Variants in AMBN observed in about 807,000 individuals in gnomAD.
The protein encoded by AMBN is enamel matrix protein.
In AMBN, 54 loss-of-function variants were observed where a neutral mutation model predicts 48.0. That is an observed-to-expected ratio of 1.12 (90% CI 0.90 to 1.41). The LOEUF is 1.41. AMBN is among the 40% of genes most tolerant of loss of function. The probability of loss-of-function intolerance (pLI) is 0.00; values close to 1 mark genes in which losing one functional copy is unlikely to be tolerated. For missense variants in AMBN, 571 were observed against 547.3 expected, an observed-to-expected ratio of 1.04 and a Z score of -0.43; for synonymous variants, 186 against 190.0, an observed-to-expected ratio of 0.98 and a Z score of 0.17.
At chr4:70,599,445 AAAAAAG>A (rs1403723285) in intron 4 of AMBN, 85 bp from the exon 5 acceptor site, 4 of 1,030,166 alleles carry the variant, frequency 3.9e-6, no homozygotes, top group Non-Finnish European at 5.5e-6. Context: ...ATCTCAAAAA[AAAAAAG>A]AAAAAGGAAA....
rs1737658975 is a variant in AMBN, at chr4:70,606,573, G to A, written c.1187G>A (p.Arg396Lys). The A allele has an allele frequency of 1.2e-6, 2 of 1,613,980 alleles. No homozygotes were observed. The highest frequency in any genetic ancestry group is 2.7e-5 in the African/African-American group (2 of 74,914). Residue 396 changes from arginine (R) to lysine (K), a missense_variant, in exon 13 of 13, where the codon AGG becomes AAG. Coordinates refer to ENST00000322937, the MANE Select transcript of AMBN (RefSeq NM_016519.6). Reference sequence around the variant, plus strand: ...ACCCCTGAATTAGCTGATGTTTATAGGACCTACGATGCTGACATGACCACA... The same window carrying A: ...ACCCCTGAATTAGCTGATGTTTATAAGACCTACGATGCTGACATGACCACA... ...LMTPELADVY[R>K]TYDADMTTSV...
In AMBN at chr4:70,592,287, C is replaced by T. The variant is rs1737290287; in HGVS notation, c.-72C>T. ...TACAGAGCAAGTCCCACGCACAGTCCTGAAAAAAATTTTAATCTTCTTTTC... is the reference window on the plus strand; with the variant it reads ...TACAGAGCAAGTCCCACGCACAGTCTTGAAAAAAATTTTAATCTTCTTTTC... On this transcript the variant is annotated 5_prime_UTR_variant, in exon 1 of 13. Transcript: ENST00000322937. 2 of 1,546,906 alleles carry T rather than the reference C, an allele frequency of 1.3e-6. No homozygotes were observed. Among genetic ancestry groups the T allele is most frequent in the African/African-American group, 2.7e-5 (2 of 73,370 alleles).
Position 70,606,844 on chromosome 4 carries a change from G to C in AMBN, c.*114G>C, listed in dbSNP as rs567710200. 5.1e-6 allele frequency: 6 copies of C among 1,181,152 alleles called. No homozygotes were observed. Among genetic ancestry groups the C allele is most frequent in the Non-Finnish European group, 5.9e-6 (5 of 853,694 alleles). 73.2% of individuals were successfully genotyped at this position (1,181,152 alleles called of 1,614,324 possible). A position where few individuals can be genotyped will look rare whatever the true frequency, so the allele number is the denominator to read the frequency against. On this transcript the variant is annotated 3_prime_UTR_variant, in exon 13 of 13. Coordinates refer to ENST00000322937, the MANE Select transcript of AMBN (RefSeq NM_016519.6). ...CTTCTGCAGCAAAGGCATTAAAAGCGCTAAGCATATATTAATAAATGCAAG... is the reference window on the plus strand; with the variant it reads ...CTTCTGCAGCAAAGGCATTAAAAGCCCTAAGCATATATTAATAAATGCAAG...
intron 2 of AMBN, among the ~76,000 whole-genome samples, chr4:70,594,794 A>T (rs1343232673): frequency 6.6e-6 from 1 of 152,164 alleles, no homozygotes; most frequent in Non-Finnish European, 1.5e-5. Flanking sequence ...ACCTATAATG[A>T]TCCACACCTG....
Position 70,606,668 on chromosome 4 carries a change from C to T in AMBN, c.1282C>T (p.Pro428Ser), listed in dbSNP as rs1240393340. 1 of 1,614,048 alleles carries T rather than the reference C, an allele frequency of 6.2e-7. No individual in the cohort carries two copies. Residue 428 changes from proline to serine, a missense_variant, in exon 13 of 13, where the codon CCA (proline) becomes TCA (serine). Transcript: ENST00000322937. ...CCCAAACTCTCTGCAAACATCCATG[C>T]CAGGAAACAAAGCCCAGGAGCCCGA... ...MAPNSLQTSM[P>S]GNKAQEPEMM... is the part of the protein sequence containing the mutation.
At chr4:70,602,942 T>C (rs911171208) in intron 8 of AMBN, 30 bp from the exon 9 acceptor site, 2 of 1,568,844 alleles carry the variant, frequency 1.3e-6, no homozygotes, top group Admixed American at 3.8e-5. Flanking sequence ...CTTTTTTGAC[T>C]GATAATTTTA....
Position 70,602,783 on chromosome 4 carries a change from T to G in AMBN, c.571-15T>G. ...CATTTTTTACTGATAATTTTAATAT[T>G]TATCTACAATATAGCTCCCAGGAAT... is the stretch of plus-strand genomic sequence containing the variant. On this transcript the variant is annotated splice_polypyrimidine_tract_variant and intron_variant, in intron 7 of 12. Coordinates refer to ENST00000322937, the MANE Select transcript of AMBN (RefSeq NM_016519.6). 6.4e-6 allele frequency: 10 copies of G among 1,563,198 alleles called. No individual in the cohort carries two copies. The highest frequency in any genetic ancestry group is 8.7e-6 in the Non-Finnish European group (10 of 1,152,578).
intron 4 of AMBN, among the ~76,000 whole-genome samples, chr4:70,598,995 G>A (rs1393240698): frequency 6.7e-6 from 1 of 149,296 alleles, no homozygotes; most frequent in Non-Finnish European, 1.5e-5. Context: ...GGCTGATCTC[G>A]AATGCCTGAC....
At position 70,606,308 on chromosome 4, in the gene AMBN, TC is replaced by T; in HGVS notation, c.926del (p.Pro309GlnfsTer28). ...MGGDFTLEFD[S>X]PVAATKGPEN... is the part of the protein sequence containing the mutation. ...CGGTGACTTCACTCTGGAATTTGAC[TC>T]CCCAGTGGCTGCCACCAAAGGCCCT... On this transcript the variant is annotated frameshift_variant, in exon 13 of 13. Transcript: ENST00000322937. LOFTEE classifies it low-confidence loss of function (END_TRUNC). 6.2e-7 allele frequency: 1 copy of T among 1,613,992 alleles called. No homozygotes were observed. The highest frequency in any genetic ancestry group is 8.5e-7 in the Non-Finnish European group (1 of 1,179,990).
chr4:70,604,573 C>T (rs1737597639), intron 12 of AMBN, among the ~76,000 whole-genome samples: 1 of 152,236 alleles, frequency 6.6e-6, no homozygotes, highest in South Asian at 2.1e-4. Flanking sequence ...CTGTCAACTA[C>T]AGATCCTGTC....
chr4:70,603,591 T>A (rs1218574129), intron 11 of AMBN, 131 bp downstream of exon 11: 12 of 963,088 alleles, frequency 1.2e-5, no homozygotes, highest in Admixed American at 5.3e-5. Context: ...AGTACTGAAA[T>A]ATTAAGGAGG....
At chr4:70,592,444 A>G (rs1456471862) in intron 1 of AMBN, 71 bp downstream of exon 1, 12 of 1,528,582 alleles carry the variant, frequency 7.9e-6, no homozygotes, top group South Asian at 2.3e-5. Flanking sequence ...GACAGCTTTT[A>G]TAAAGAGGAT....
chr4:70,601,912 G>C, intron 6 of AMBN: 1 of 581,056 alleles, frequency 1.7e-6, no homozygotes. Flanking sequence ...AGTTGCGAAA[G>C]ATGAAAACTC....
chr4:70,603,187 C>T, intron 9 of AMBN, 73 bp from the exon 10 acceptor site: 2 of 1,478,676 alleles, frequency 1.4e-6, no homozygotes, highest in Non-Finnish European at 1.9e-6. Flanking sequence ...AAATGTGTTT[C>T]ATATACCTCA....
At chr4:70,594,692 G>A (rs765921100) in intron 2 of AMBN, among the ~76,000 whole-genome samples, 2 of 152,172 alleles carry the variant, frequency 1.3e-5, no homozygotes, top group Non-Finnish European at 2.9e-5. Flanking sequence ...AAGAAAAATT[G>A]AGGGTGCCAC....
At chr4:70,606,119 T>C in intron 12 of AMBN, 66 bp from the exon 13 acceptor site, 2 of 1,551,174 alleles carry the variant, frequency 1.3e-6, no homozygotes, top group South Asian at 1.2e-5. Flanking sequence ...TGTGACCAGG[T>C]ATAGCTGCAT....
At position 70,598,669 on chromosome 4, in the gene AMBN, A is replaced by T. The variant is rs542719255; in HGVS notation, c.183+266A>T. Among the ~76,000 whole-genome samples, 81 of 100,856 alleles carry T rather than the reference A, an allele frequency of 8.0e-4. 1 individual carries two copies. Among genetic ancestry groups the T allele is most frequent in the Middle Eastern group, 0.011 (2 of 174 alleles). The allele number at this position is 100,856 out of a possible 152,430, so 66.2% of individuals were successfully genotyped here. A position where few individuals can be genotyped will look rare whatever the true frequency, so the allele number is the denominator to read the frequency against. The stretch of plus-strand genomic sequence containing the variant: ...CAAAACACAAGTGCTTAAAAAGCTA[A>T]ATCTCAAACAATTTATGCAAATATT... On this transcript the variant is annotated intron_variant, in intron 4 of 12. Transcript: ENST00000322937.
intron 12 of AMBN, among the ~76,000 whole-genome samples, chr4:70,605,692 G>T (rs1015877648): frequency 6.6e-6 from 1 of 152,042 alleles, no homozygotes. Flanking sequence ...GGAGGCTGAG[G>T]CAAGAAGATC....
chr4:70,596,044 C>T (rs1434668137), intron 2 of AMBN, among the ~76,000 whole-genome samples: 3 of 152,106 alleles, frequency 2.0e-5, no homozygotes, highest in Non-Finnish European at 4.4e-5. Flanking sequence ...AATCCCAGCA[C>T]TTTGGGAGGC....
Sources: allele counts gnomAD v4.1 joint callset (sites outside exome capture counted in the v4.1 genomes callset), GRCh38; gene constraint gnomAD v4.1.1; transcripts MANE v1.5; gene names NCBI Gene and HGNC (gene_info 2026-07-23, HGNC 2026-07-21).